The following MXRA7 variants were observed in gnomAD, a reference collection of about 807,000 sequenced individuals.
The protein encoded by MXRA7 is matrix-remodeling-associated protein 7.
Under a neutral mutation model 17.4 loss-of-function variants are expected in MXRA7, and 18 were observed. That is an observed-to-expected ratio of 1.03 (90% CI 0.71 to 1.53). MXRA7 has a LOEUF of 1.53. MXRA7 is among the 40% of genes most tolerant of loss of function. The pLI, the probability that MXRA7 is intolerant of heterozygous loss-of-function variation, is 0.00. For synonymous variants in MXRA7, 70 were observed against 101.7 expected (o/e 0.69, Z 1.87); for missense variants, 141 against 209.3 (o/e 0.67, Z 2.01).
At chr17:76,695,864 A>T (rs902480990) in intron 1 of MXRA7, among the ~76,000 whole-genome samples, 2 of 152,090 alleles carry the variant, frequency 1.3e-5, no homozygotes, top group Non-Finnish European at 2.9e-5. Flanking sequence ...AGGTTAAGGC[A>T]GGTGGATCAT....
chr17:76,692,834 A>G (rs2076491619), intron 1 of MXRA7, among the ~76,000 whole-genome samples: 1 of 152,142 alleles, frequency 6.6e-6, no homozygotes, highest in Non-Finnish European at 1.5e-5. Flanking sequence ...CAAACTTCGA[A>G]AAACCTTTTA....
At position 76,689,570 on chromosome 17, in the gene MXRA7, C is replaced by T. The variant is rs1598347669; in HGVS notation, c.343-1394G>A. The T allele has an allele frequency of 2.6e-5, 4 of 152,314 alleles. No individual in the cohort carries two copies. The South Asian group carries it at 6.2e-4, about 24-fold the overall frequency. The allele number at this position is 152,314 out of a possible 1,614,324, so 9.4% of individuals were successfully genotyped here. A position where few individuals can be genotyped will look rare whatever the true frequency, so the allele number is the denominator to read the frequency against. On this transcript the variant is annotated intron_variant, in intron 1 of 3. Coordinates refer to ENST00000449428, the MANE Select transcript of MXRA7 (RefSeq NM_198530.4). The stretch of plus-strand genomic sequence containing the variant: ...AGCAAAGTATCTCTATGGCTGAGGT[C>T]GGAGTGGGCAGGCCTCTTCCGGGGG...
At position 76,680,804 on chromosome 17, in the gene MXRA7, A is replaced by C. The variant is rs1028231041; in HGVS notation, c.*63T>G. On this transcript the variant is annotated 3_prime_UTR_variant, in exon 4 of 4. Transcript: ENST00000449428. ...GACTCCTCTCTGGGGTTTCCGTTTT[A>C]TCTCTCAAGCTTTTAAGATGCCAAA... is the stretch of plus-strand genomic sequence containing the variant. 2.0e-5 allele frequency: 31 copies of C among 1,585,698 alleles called. 1 individual carries two copies. The highest frequency in any genetic ancestry group is 4.6e-5 in the South Asian group (4 of 86,658).
chr17:76,694,817 C>CTTGATCTG (rs1451132121), intron 1 of MXRA7, among the ~76,000 whole-genome samples: 1 of 152,106 alleles, frequency 6.6e-6, no homozygotes, highest in East Asian at 1.9e-4. Flanking sequence ...AACTCCTGGG[C>CTTGATCTG]CCAAGGGATC....
rs142620170 is a variant in MXRA7, at chr17:76,681,816, GGGA to G, written c.501-940_501-938del. On this transcript the variant is annotated intron_variant, in intron 3 of 3. Coordinates refer to ENST00000449428, the MANE Select transcript of MXRA7 (RefSeq NM_198530.4). The surrounding 1 kb of genome is among the most constrained non-coding windows in gnomAD (Gnocchi z 4.7). Reference sequence around the variant, plus strand: ...GCCCTGCCAGCTTCCCTAGCTCTGGGGGAGGAGGAGGAGGCCTCTTGCTCAGGG... The same window carrying G: ...GCCCTGCCAGCTTCCCTAGCTCTGGGGGAGGAGGAGGCCTCTTGCTCAGGG... Among the ~76,000 whole-genome samples, 7 of 152,162 alleles carry G rather than the reference GGGA, an allele frequency of 4.6e-5. No individual in the cohort carries two copies. Among genetic ancestry groups the G allele is most frequent in the African/African-American group, 1.4e-4 (6 of 41,418 alleles).
At chr17:76,683,729 A>G (rs1345662360) in intron 3 of MXRA7, 1 of 712,248 alleles carries the variant, frequency 1.4e-6, no homozygotes, top group East Asian at 2.6e-5. Context: ...TGGGAAATGT[A>G]TTAATCGGTT....
chr17:76,700,797 A>G (rs1475249760), intron 1 of MXRA7, among the ~76,000 whole-genome samples: 1 of 152,142 alleles, frequency 6.6e-6, no homozygotes, highest in African/African-American at 2.4e-5. Flanking sequence ...AAACGTGATG[A>G]TACACTGGAG....
chr17:76,695,290 C>G (rs1422903296), intron 1 of MXRA7, among the ~76,000 whole-genome samples: 1 of 152,094 alleles, frequency 6.6e-6, no homozygotes, highest in Non-Finnish European at 1.5e-5. Context: ...GTGCCGGTTT[C>G]AGACACAGTG....
chr17:76,710,636 T>A lies in MXRA7; in HGVS notation c.311A>T (p.Glu104Val), dbSNP rs2076710016. The change falls in exon 1 of 4, where the codon GAG (glutamate) becomes GTG (valine). Residue 104 changes from glutamate to valine, a missense_variant. Glu to Val is a moderately radical substitution (Grantham distance 121, BLOSUM62 -2). Around this residue, in one of 3 missense-constraint regions of MXRA7, gnomAD observed 2 missense variants for 17.1 expected, o/e 0.12. Coordinates refer to ENST00000449428, the MANE Select transcript of MXRA7 (RefSeq NM_198530.4). ...GPGDPAAAPA[E>V]AEEQAVEARQ... ...CGCCTCCACCGCCTGCTCCTCCGCC[T>A]CCGCTGGCGCCGCCGCGGGATCCCC... 4 of 1,382,696 alleles carry A rather than the reference T, an allele frequency of 2.9e-6. No individual in the cohort carries two copies. The African/African-American group carries it at 4.5e-5, about 16-fold the overall frequency. The allele number at this position is 1,382,696 out of a possible 1,614,324, so 85.7% of individuals were successfully genotyped here. A position where few individuals can be genotyped will look rare whatever the true frequency, so the allele number is the denominator to read the frequency against.
intron 3 of MXRA7, chr17:76,683,805 T>C: frequency 6.7e-7 from 1 of 1,502,690 alleles, no homozygotes. Flanking sequence ...TAGCACGCAG[T>C]AGAAGGGGAG....
At chr17:76,696,986 C>T (rs1010623678) in intron 1 of MXRA7, among the ~76,000 whole-genome samples, 1 of 152,178 alleles carries the variant, frequency 6.6e-6, no homozygotes, top group African/African-American at 2.4e-5. Context: ...CCATCATCAC[C>T]GCGGAGTTCC....
At chr17:76,697,117 T>C (rs1173440014) in intron 1 of MXRA7, among the ~76,000 whole-genome samples, 1 of 152,158 alleles carries the variant, frequency 6.6e-6, no homozygotes, top group Non-Finnish European at 1.5e-5. Context: ...TGACTCTATT[T>C]GGAAACAGGG....
chr17:76,685,972 G>A (rs1227339329), intron 2 of MXRA7, among the ~76,000 whole-genome samples: 2 of 152,204 alleles, frequency 1.3e-5, no homozygotes, highest in Admixed American at 6.5e-5. Context: ...ACTAACTAAA[G>A]GACCCAGTGA....
chr17:76,681,702 CCT>C lies in MXRA7; in HGVS notation c.501-825_501-824del, dbSNP rs1406717138. On this transcript the variant is annotated intron_variant, in intron 3 of 3. Transcript: ENST00000449428. The surrounding 1 kb of genome is among the most constrained non-coding windows in gnomAD (Gnocchi z 4.7). ...CAGTCTATAGCCTGGGTTCATTTTC[CCT>C]CTGAGACCACAAGGTGGGAAGAAGT... Among the ~76,000 whole-genome samples the C allele has an allele frequency of 6.6e-6, 1 of 152,184 alleles. No individual in the cohort carries two copies.
intron 1 of MXRA7, among the ~76,000 whole-genome samples, chr17:76,694,077 C>T (rs1168672102): frequency 6.6e-6 from 1 of 152,186 alleles, no homozygotes; most frequent in Non-Finnish European, 1.5e-5. Context: ...CTCCCCCTTC[C>T]ATCTACTTAT....
chr17:76,684,558 G>A, intron 3 of MXRA7: 1 of 321,272 alleles, frequency 3.1e-6, no homozygotes, highest in Admixed American at 4.3e-5. Context: ...ATGGGAAGGG[G>A]GAGCCAATTC....
chr17:76,685,021 C>T (rs1417769168), intron 3 of MXRA7, 51 bp downstream of exon 3: 40 of 1,473,400 alleles, frequency 2.7e-5, no homozygotes, highest in Non-Finnish European at 2.7e-5. Flanking sequence ...CAGAGGGGCA[C>T]CCCCCTCCCC....
intron 1 of MXRA7, among the ~76,000 whole-genome samples, chr17:76,691,806 G>A (rs2076481636): frequency 6.6e-6 from 1 of 152,154 alleles, no homozygotes; most frequent in South Asian, 2.1e-4. Context: ...CCGGAACTAA[G>A]CCCAATATCA....
exon 4 of MXRA7, chr17:76,673,391 C>T (rs1370309658): frequency 1.3e-5 from 2 of 152,288 alleles, no homozygotes; most frequent in Admixed American, 1.3e-4. Flanking sequence ...GACTGTGGGC[C>T]TCCACCAGGC....
Sources: allele counts gnomAD v4.1 joint callset (sites outside exome capture counted in the v4.1 genomes callset), GRCh38; gene constraint gnomAD v4.1.1; regional missense constraint gnomAD v4.1.1; non-coding constraint Gnocchi (gnomAD v3.1); transcripts MANE v1.5; gene names NCBI Gene and HGNC (gene_info 2026-07-23, HGNC 2026-07-21).